Variants in BICRA observed in about 807,000 individuals in gnomAD.
The protein encoded by BICRA is BRD4-interacting chromatin-remodeling complex-associated protein.
BICRA carries 31 observed loss-of-function variants against 96.9 expected under a neutral mutation model. That is an observed-to-expected ratio of 0.32 (90% confidence interval 0.24 to 0.43). The LOEUF (loss-of-function observed/expected upper bound fraction) is 0.43, where lower values mean the gene tolerates loss of function less well. Ranked by LOEUF, BICRA falls within the 20% of genes least tolerant of loss-of-function variation. The probability of loss-of-function intolerance (pLI) is 1.00; values close to 1 mark genes in which losing one functional copy is unlikely to be tolerated. For synonymous variants in BICRA, 1,350 were observed against 1,071.8 expected (o/e 1.26, Z -5.07); for missense variants, 2,283 against 2,190.3 (o/e 1.04, Z -0.84).
At chr19:47,700,823 C>T (rs1442089055) in intron 14 of BICRA, 1 of 153,932 alleles carries the variant, frequency 6.5e-6, no homozygotes, top group African/African-American at 2.5e-5. Flanking sequence ...AACAAAAAAC[C>T]TCATGTCATT....
At position 47,675,114 on chromosome 19, in the gene BICRA, G is replaced by T. The variant is rs997287831; in HGVS notation, c.85-737G>T. Reference sequence around the variant, plus strand: ...CTTGCTGGTGGACTCGATGTTGAGGGGGAGAGAGTGTCCACCATGGCTCCT... The same window carrying T: ...CTTGCTGGTGGACTCGATGTTGAGGTGGAGAGAGTGTCCACCATGGCTCCT... On this transcript the variant is annotated intron_variant, in intron 4 of 14. Transcript: ENST00000594866. The surrounding 1 kb of genome is among the most constrained non-coding windows in gnomAD (Gnocchi z 4.7). 6.6e-6 allele frequency among the ~76,000 whole-genome samples: 1 copy of T among 152,136 alleles called. No individual in the cohort carries two copies.
rs144451378 is a variant in BICRA, at chr19:47,679,729, G to T, written c.559G>T (p.Val187Leu). The T allele has an allele frequency of 3.0e-5, 46 of 1,537,574 alleles. 1 individual carries two copies. The South Asian group carries it at 5.2e-4, about 17-fold the overall frequency. The change falls in exon 6 of 15, where the codon GTG becomes TTG. Residue 187 changes from valine (V) to leucine (L), a missense_variant. Val to Leu is a conservative substitution (Grantham distance 32). Transcript: ENST00000594866. ...THQALVPPQD[V>L]VNKALSVQPF... ...CCAGGCCCTGGTGCCGCCCCAGGAC[G>T]TGGTCAACAAGGCCCTGAGTGTGCA...
At position 47,675,777 on chromosome 19, in the gene BICRA, A is replaced by C; in HGVS notation, c.85-74A>C. ...TTGTCTTTTTGTCCTGAGTGACCCTAAATTGGTTTCTGCTCCAGAGCATGG... is the reference window on the plus strand; with the variant it reads ...TTGTCTTTTTGTCCTGAGTGACCCTCAATTGGTTTCTGCTCCAGAGCATGG... On this transcript the variant is annotated intron_variant, in intron 4 of 14. Transcript: ENST00000594866. The surrounding 1 kb of genome is among the most constrained non-coding windows in gnomAD (Gnocchi z 4.7). The C allele has an allele frequency of 8.9e-7, 1 of 1,125,690 alleles. No individual in the cohort carries two copies. Among genetic ancestry groups the C allele is most frequent in the Non-Finnish European group, 1.3e-6 (1 of 754,306 alleles). 69.7% of individuals were successfully genotyped at this position (1,125,690 alleles called of 1,614,324 possible).
chr19:47,685,503 T>C (rs1973130947), intron 7 of BICRA, among the ~76,000 whole-genome samples: 2 of 152,108 alleles, frequency 1.3e-5, no homozygotes, highest in African/African-American at 4.8e-5. Flanking sequence ...GACGGACGGA[T>C]GGATGGCATG....
chr19:47,661,934 C>G (rs1195306828), intron 1 of BICRA: 1 of 152,194 alleles, frequency 6.6e-6, no homozygotes, highest in Non-Finnish European at 1.5e-5. Flanking sequence ...TGAGACCTGC[C>G]TGGGCAACAT....
chr19:47,696,121 G>A (rs955169205), intron 10 of BICRA, among the ~76,000 whole-genome samples: 1 of 152,130 alleles, frequency 6.6e-6, no homozygotes, highest in African/African-American at 2.4e-5. Context: ...GGGGCACTGG[G>A]TGCTGGGCGG....
At chr19:47,612,082 G>C (rs56015853) in intron 1 of BICRA, among the ~76,000 whole-genome samples, 46 of 152,140 alleles carry the variant, frequency 3.0e-4, no homozygotes, top group African/African-American at 1.0e-3. Context: ...TATTGGCCAG[G>C]CTGGTCTTGA....
rs554833442 is a variant in BICRA, at chr19:47,633,736, A to G, written c.-108+24568A>G. Among the ~76,000 whole-genome samples the G allele has an allele frequency of 2.2e-4, 33 of 152,304 alleles. 1 individual carries two copies. In the South Asian group the frequency reaches 6.8e-3, roughly 32 times the overall value. Reference sequence around the variant, plus strand: ...GACAGTGAACAAGACATGATATGAAAACACCACCAATGGTATTAATCATGC... The same window carrying G: ...GACAGTGAACAAGACATGATATGAAGACACCACCAATGGTATTAATCATGC... On this transcript the variant is annotated intron_variant, in intron 1 of 14. Coordinates refer to ENST00000594866, the MANE Select transcript of BICRA (RefSeq NM_001394372.1).
In BICRA at chr19:47,679,602, G is replaced by A. The variant is rs60219834; in HGVS notation, c.432G>A (p.Thr144=). 0.01 allele frequency: 15,519 copies of A among 1,526,896 alleles called. 1,070 individuals carry two copies. The African/African-American group carries it at 0.17, about 17-fold the overall frequency. The allele number at this position is 1,526,896 out of a possible 1,614,324, so 94.6% of individuals were successfully genotyped here. ...CTGCGGATGGCGGGGCAGGCCCGACGGGCGCTGGAGGGGCAGCGGCCGTGG... is the reference window on the plus strand; with the variant it reads ...CTGCGGATGGCGGGGCAGGCCCGACAGGCGCTGGAGGGGCAGCGGCCGTGG... The part of the protein sequence containing the change: ...LQPADGGAGP[T]GAGGAAAVAA... Residue 144 remains threonine (T), a synonymous_variant, in exon 6 of 15, where the codon ACG becomes ACA. Transcript: ENST00000594866.
chr19:47,694,108 T>G lies in BICRA; in HGVS notation c.2284-7T>G. 2.0e-6 allele frequency: 1 copy of G among 511,472 alleles called. No individual in the cohort carries two copies. Among genetic ancestry groups the G allele is most frequent in the Non-Finnish European group, 2.4e-6 (1 of 419,404 alleles). 31.7% of individuals were successfully genotyped at this position (511,472 alleles called of 1,614,324 possible). On this transcript the variant is annotated splice_polypyrimidine_tract_variant and splice_region_variant and intron_variant, in intron 7 of 14. Transcript: ENST00000594866. ...GCCCCTCCCCTCTCCCTCCCTCCCC[T>G]GCCCAGATCCCGGCAGCGGCTCCGC...
In BICRA at chr19:47,694,746, G is replaced by GCCT; in HGVS notation, c.2895+22_2895+23insTCC. 1.6e-6 allele frequency: 2 copies of GCCT among 1,289,600 alleles called. No individual in the cohort carries two copies. Among genetic ancestry groups the GCCT allele is most frequent in the Non-Finnish European group, 2.2e-6 (2 of 914,556 alleles). The allele number at this position is 1,289,600 out of a possible 1,614,324, so 79.9% of individuals were successfully genotyped here. A position where few individuals can be genotyped will look rare whatever the true frequency, so the allele number is the denominator to read the frequency against. ...CACCAGGTAACGGGAGGCAGGGACT[G>GCCT]CCCGCCCCATCAGCCCCATCCCATC... On this transcript the variant is annotated intron_variant, in intron 8 of 14. Coordinates refer to ENST00000594866, the MANE Select transcript of BICRA (RefSeq NM_001394372.1).
At chr19:47,677,461 C>A (rs1313131299) in intron 5 of BICRA, among the ~76,000 whole-genome samples, 1 of 152,200 alleles carries the variant, frequency 6.6e-6, no homozygotes, top group Non-Finnish European at 1.5e-5. Context: ...CTTTGGGAGG[C>A]CGAGGTGGGC....
intron 1 of BICRA, among the ~76,000 whole-genome samples, chr19:47,626,906 G>C (rs1439882380): frequency 6.6e-6 from 1 of 151,900 alleles, no homozygotes; most frequent in East Asian, 1.9e-4. Flanking sequence ...ATTTTTAGTA[G>C]AGATGGGGTT....
intron 1 of BICRA, among the ~76,000 whole-genome samples, chr19:47,633,377 G>T (rs1234511996): frequency 6.6e-6 from 1 of 151,896 alleles, no homozygotes; most frequent in Non-Finnish European, 1.5e-5. Flanking sequence ...ACAATGCCCC[G>T]GCGTATTTTT....
chr19:47,678,859 C>A (rs139272390), intron 5 of BICRA: 228 of 203,018 alleles, frequency 1.1e-3, no homozygotes, highest in African/African-American at 5.0e-3. Context: ...CAGCCACTTG[C>A]AGGTGGAATG....
At chr19:47,683,873 C>T (rs560694116) in intron 7 of BICRA, among the ~76,000 whole-genome samples, 15 of 152,290 alleles carry the variant, frequency 9.8e-5, no homozygotes, top group East Asian at 3.9e-4. Context: ...CGTGAGCCAC[C>T]GCACCTGGCC....
At chr19:47,693,485 C>T (rs1450485527) in intron 7 of BICRA, among the ~76,000 whole-genome samples, 2 of 152,224 alleles carry the variant, frequency 1.3e-5, no homozygotes, top group Admixed American at 1.3e-4. Flanking sequence ...CTTCCCATGC[C>T]CGCATCCAGA....
In BICRA at chr19:47,694,640, C is replaced by T; in HGVS notation, c.2809C>T (p.Pro937Ser). The change falls in exon 8 of 15, where the codon CCA becomes TCA. Residue 937 changes from proline (P) to serine (S), a missense_variant. Transcript: ENST00000594866. ...GGTCCCTGAGCCGGCAGCACCCCCC[C>T]CACCGCCTCCTCGGACCTTCCAGAT... ...HLVPEPAAPPPPPPRTFQMVT... is the reference protein window; with the variant it reads ...HLVPEPAAPPSPPPRTFQMVT... The T allele has an allele frequency of 1.3e-6, 2 of 1,578,942 alleles. No individual in the cohort carries two copies. Among genetic ancestry groups the T allele is most frequent in the Non-Finnish European group, 1.7e-6 (2 of 1,149,718 alleles).
chr19:47,621,174 A>G (rs1327871037), intron 1 of BICRA, among the ~76,000 whole-genome samples: 1 of 152,196 alleles, frequency 6.6e-6, no homozygotes, highest in Admixed American at 6.5e-5. Context: ...TGGAAGCCAG[A>G]CAGGGTATTT....
Sources: gnomAD v4.1 joint callset for allele counts (sites outside exome capture counted in the v4.1 genomes callset) on GRCh38, gnomAD v4.1.1 for gene constraint, Gnocchi (gnomAD v3.1) non-coding constraint, MANE v1.5 for transcripts, NCBI Gene and HGNC (gene_info 2026-07-23, HGNC 2026-07-21) for gene names.